The following STAT3 variants were observed in gnomAD, a reference collection of about 807,000 sequenced individuals.
STAT3 encodes the protein DNA-binding protein APRF.
STAT3 carries 7 observed loss-of-function variants against 114.3 expected under a neutral mutation model. The ratio of observed to expected loss-of-function variants is 0.06; its 90% CI spans 0.03 to 0.11. The LOEUF is 0.11. STAT3 is among the 10% of genes least tolerant of loss of function. STAT3 has a pLI of 1.00. For synonymous variants in STAT3, 331 were observed against 354.5 expected, an observed-to-expected ratio of 0.93 and a Z score of 0.74; for missense variants, 364 against 960.9, an observed-to-expected ratio of 0.38 and a Z score of 8.21.
At chr17:42,329,807 T>C in intron 11 of STAT3, 31 bp from the exon 12 acceptor site, 2 of 1,613,560 alleles carry the variant, frequency 1.2e-6, no homozygotes, top group Non-Finnish European at 1.7e-6. Flanking sequence ...GTTAATAAAA[T>C]AGGCTCTGTG....
intron 21 of STAT3, among the ~76,000 whole-genome samples, chr17:42,322,017 G>A (rs2081505584): frequency 6.6e-6 from 1 of 151,966 alleles, no homozygotes; most frequent in Non-Finnish European, 1.5e-5. Context: ...TAGAGACGAG[G>A]TTTCACCATA....
intron 3 of STAT3, 148 bp downstream of exon 3, chr17:42,346,421 G>GA: frequency 8.5e-7 from 1 of 1,181,832 alleles, no homozygotes; most frequent in Non-Finnish European, 1.2e-6. Flanking sequence ...AGAGCTTTGA[G>GA]AAAGGGCTAA....
At chr17:42,357,421 G>A (rs1368213523) in intron 1 of STAT3, among the ~76,000 whole-genome samples, 1 of 152,038 alleles carries the variant, frequency 6.6e-6, no homozygotes, top group Non-Finnish European at 1.5e-5. Context: ...GCTCATGCTT[G>A]TAATCCTTGG....
At chr17:42,379,683 C>G (rs773883144) in intron 1 of STAT3, among the ~76,000 whole-genome samples, 1 of 152,142 alleles carries the variant, frequency 6.6e-6, no homozygotes, top group Non-Finnish European at 1.5e-5. Flanking sequence ...CTTTCTGGGT[C>G]GGGAGCAATT....
At chr17:42,316,602 T>C (rs2081260030) in intron 23 of STAT3, 187 bp downstream of exon 23, 2 of 1,453,374 alleles carry the variant, frequency 1.4e-6, no homozygotes, top group Non-Finnish European at 9.3e-7. Flanking sequence ...AGTTCGTCTA[T>C]TTCCAGTGTG....
At chr17:42,335,797 AG>A (rs1231128734) in intron 8 of STAT3, among the ~76,000 whole-genome samples, 2 of 152,144 alleles carry the variant, frequency 1.3e-5, no homozygotes, top group Non-Finnish European at 2.9e-5. Context: ...TGGGAGGAGG[AG>A]GTTGCAGTAA....
intron 17 of STAT3, 83 bp from the exon 18 acceptor site, chr17:42,323,708 T>C: frequency 7.6e-7 from 1 of 1,318,426 alleles, no homozygotes; most frequent in East Asian, 2.4e-5. Flanking sequence ...ACACACACAT[T>C]CATCCCACAA....
Position 42,346,307 on chromosome 17 carries a change from G to A in STAT3, c.273+262C>T, listed in dbSNP as rs943705515. Among the ~76,000 whole-genome samples, 8 of 152,088 alleles carry A rather than the reference G, an allele frequency of 5.3e-5. No homozygotes were observed. In the South Asian group the frequency reaches 6.2e-4, roughly 12 times the overall value. ...AGAGTCATCTTCCTATCAGTGGACC[G>A]CGTTAACATGCTAACATGTATGATT... On this transcript the variant is annotated intron_variant, in intron 3 of 23. Transcript: ENST00000264657.
At position 42,329,510 on chromosome 17, in the gene STAT3, C is replaced by A. The variant is rs200171210; in HGVS notation, c.1233+44G>T. On this transcript the variant is annotated intron_variant, in intron 13 of 23. Transcript: ENST00000264657. ...CTGTGAGGCTCTCCCTAGCCCTCTCCGGCAGCCAGAGGCCCTTTGTGAAGG... is the reference window on the plus strand; with the variant it reads ...CTGTGAGGCTCTCCCTAGCCCTCTCAGGCAGCCAGAGGCCCTTTGTGAAGG... 5.0e-5 allele frequency: 81 copies of A among 1,614,016 alleles called. No homozygotes were observed. The South Asian group carries it at 8.6e-4, about 17-fold the overall frequency.
intron 1 of STAT3, among the ~76,000 whole-genome samples, chr17:42,354,310 C>A (rs1372372717): frequency 6.7e-6 from 1 of 150,330 alleles, no homozygotes; most frequent in Non-Finnish European, 1.5e-5. Context: ...GCTGGGACTA[C>A]AGGCATGCCC....
intron 1 of STAT3, among the ~76,000 whole-genome samples, chr17:42,367,034 G>A (rs1209640847): frequency 1.3e-5 from 2 of 151,960 alleles, no homozygotes; most frequent in Admixed American, 6.6e-5. Flanking sequence ...TCAGCTACTC[G>A]GGAGGCTGAG....
In STAT3 at chr17:42,345,651, A is replaced by G; in HGVS notation, c.280T>C (p.Tyr94His). 6.2e-7 allele frequency: 1 copy of G among 1,601,810 alleles called. No individual in the cohort carries two copies. The highest frequency in any genetic ancestry group is 8.5e-7 in the Non-Finnish European group (1 of 1,172,716). Reference protein sequence around the residue: ...RRIKQFLQSRYLEKPMEIARI... With the variant: ...RRIKQFLQSRHLEKPMEIARI... ...GCAATCTCCATTGGCTTCTCAAGAT[A>G]CCTGCTCTATAAGTAGGAGAGAAAG... The change falls in exon 4 of 24, where the codon TAT becomes CAT. Residue 94 changes from tyrosine (Y) to histidine (H), a missense_variant. Around this residue, in one of 5 missense-constraint regions of STAT3, gnomAD observed 294 missense variants for 745.1 expected, o/e 0.39. Coordinates refer to ENST00000264657, the MANE Select transcript of STAT3 (RefSeq NM_139276.3).
chr17:42,314,841 A>G lies in STAT3; in HGVS notation c.*904T>C, dbSNP rs1235460321. The G allele has an allele frequency of 5.2e-6, 1 of 190,938 alleles. No individual in the cohort carries two copies. Among genetic ancestry groups the G allele is most frequent in the Non-Finnish European group, 1.1e-5 (1 of 92,840 alleles). 11.8% of individuals were successfully genotyped at this position (190,938 alleles called of 1,614,324 possible). The stretch of plus-strand genomic sequence containing the variant: ...GCTTAAAGCACCAAGGAGGCTGTTA[A>G]CTGAAGTTTCTTTTTTTTTTTTTTT... On this transcript the variant is annotated 3_prime_UTR_variant, in exon 24 of 24. Coordinates refer to ENST00000264657, the MANE Select transcript of STAT3 (RefSeq NM_139276.3).
chr17:42,379,712 T>A (rs926898417), intron 1 of STAT3, among the ~76,000 whole-genome samples: 2 of 152,246 alleles, frequency 1.3e-5, no homozygotes, highest in African/African-American at 4.8e-5. Flanking sequence ...GGTAATCCAT[T>A]TTTAATGTGT....
intron 15 of STAT3, 171 bp from the exon 16 acceptor site, chr17:42,325,232 T>G: frequency 1.6e-6 from 1 of 628,942 alleles, no homozygotes; most frequent in Non-Finnish European, 2.8e-6. Context: ...GCACTCATAG[T>G]GGAAAGAATG....
At chr17:42,379,449 A>G (rs757731470) in intron 1 of STAT3, among the ~76,000 whole-genome samples, 10 of 152,208 alleles carry the variant, frequency 6.6e-5, no homozygotes, top group Non-Finnish European at 1.2e-4. Flanking sequence ...ACTCATACAC[A>G]TGTACATTTG....
At chr17:42,352,293 C>A (rs576320733) in intron 1 of STAT3, among the ~76,000 whole-genome samples, 1 of 151,824 alleles carries the variant, frequency 6.6e-6, no homozygotes, top group Non-Finnish European at 1.5e-5. Flanking sequence ...GAGCCGAGAT[C>A]GCACCACTGC....
chr17:42,318,503 A>G (rs2081340230), intron 21 of STAT3, among the ~76,000 whole-genome samples: 1 of 152,174 alleles, frequency 6.6e-6, no homozygotes, highest in South Asian at 2.1e-4. Context: ...CCAATTTTCT[A>G]TGAGCTTTGT....
intron 4 of STAT3, among the ~76,000 whole-genome samples, chr17:42,340,965 G>A (rs1011512666): frequency 2.6e-5 from 4 of 152,070 alleles, no homozygotes; most frequent in African/African-American, 4.8e-5. Flanking sequence ...ATGGATGGCT[G>A]GGGTGGGGTG....
Sources: allele counts gnomAD v4.1 joint callset (sites outside exome capture counted in the v4.1 genomes callset), GRCh38; gene constraint gnomAD v4.1.1; regional missense constraint gnomAD v4.1.1; transcripts MANE v1.5; gene names NCBI Gene and HGNC (gene_info 2026-07-23, HGNC 2026-07-21).